Variants in ZC3H13 observed in about 807,000 individuals in gnomAD.
The protein encoded by ZC3H13 is zinc finger CCCH domain-containing protein 13.
ZC3H13 carries 64 observed loss-of-function variants against 204.1 expected under a neutral mutation model. The ratio of observed to expected loss-of-function variants is 0.31; its 90% CI spans 0.26 to 0.39. The LOEUF (loss-of-function observed/expected upper bound fraction) is 0.39, where lower values mean the gene tolerates loss of function less well. Ranked by LOEUF, ZC3H13 falls within the 10% of genes least tolerant of loss-of-function variation. The probability of loss-of-function intolerance (pLI) is 1.00; values close to 1 mark genes in which losing one functional copy is unlikely to be tolerated. For synonymous variants in ZC3H13, 667 were observed against 693.7 expected, an observed-to-expected ratio of 0.96 and a Z score of 0.60; for missense variants, 1,833 against 2,082.7, an observed-to-expected ratio of 0.88 and a Z score of 2.33.
At chr13:45,963,465 A>AGG (rs1951837128) in intron 17 of ZC3H13, 4 of 1,008,804 alleles carry the variant, frequency 4.0e-6, no homozygotes, top group Non-Finnish European at 4.7e-6. Context: ...TCTGTCACCT[A>AGG]GGTTGGAGTG....
In ZC3H13 at chr13:45,975,449, GCTCTCT is replaced by G; in HGVS notation, c.2296_2301del (p.Glu775_Arg776del). ...CTTTCTCGTTCCCGTTCTCGCTCTC[GCTCTCT>G]CTCCCGTTCTCGCTCTCTCTCCCTC... On this transcript the variant is annotated inframe_deletion, in exon 12 of 19. Transcript: ENST00000679008. The G allele has an allele frequency of 1.2e-6, 2 of 1,608,996 alleles. No individual in the cohort carries two copies. Among genetic ancestry groups the G allele is most frequent in the Non-Finnish European group, 1.7e-6 (2 of 1,178,252 alleles).
At chr13:46,011,276 T>A in intron 6 of ZC3H13, 139 bp downstream of exon 6, 3 of 546,134 alleles carry the variant, frequency 5.5e-6, no homozygotes, top group Non-Finnish European at 8.6e-6. Flanking sequence ...TGAATATATA[T>A]GGAGTAGTAC....
At chr13:46,035,412 C>T (rs1414777296) in intron 4 of ZC3H13, among the ~76,000 whole-genome samples, 2 of 152,124 alleles carry the variant, frequency 1.3e-5, no homozygotes, top group Admixed American at 1.3e-4. Context: ...ACTCTTAATG[C>T]TATCAAAGAA....
chr13:46,036,030 C>T (rs1184269029), intron 4 of ZC3H13, among the ~76,000 whole-genome samples: 2 of 151,920 alleles, frequency 1.3e-5, no homozygotes, highest in African/African-American at 2.4e-5. Context: ...CAACTGTAAT[C>T]CCAACATTTT....
In ZC3H13 at chr13:45,998,636, G is replaced by A. The variant is rs936289775; in HGVS notation, c.944+4503C>T. 6.6e-5 allele frequency among the ~76,000 whole-genome samples: 10 copies of A among 150,552 alleles called. No individual in the cohort carries two copies. The Middle Eastern group carries it at 0.01, about 154-fold the overall frequency. ...TGCACTCCAGCCTGGGTGACACAGCGAAACTCCGTCTCAAAAAAAAAAATA... is the reference window on the plus strand; with the variant it reads ...TGCACTCCAGCCTGGGTGACACAGCAAAACTCCGTCTCAAAAAAAAAAATA... On this transcript the variant is annotated intron_variant, in intron 8 of 18. Transcript: ENST00000679008.
chr13:46,023,517 A>G (rs1356305747), intron 4 of ZC3H13, among the ~76,000 whole-genome samples: 1 of 152,106 alleles, frequency 6.6e-6, no homozygotes, highest in Non-Finnish European at 1.5e-5. Flanking sequence ...TCAATGAAAC[A>G]TGATACCCCA....
intron 10 of ZC3H13, 115 bp from the exon 11 acceptor site, chr13:45,980,119 T>G (rs1338815196): frequency 1.9e-5 from 18 of 932,098 alleles, no homozygotes; most frequent in Non-Finnish European, 2.2e-5. Context: ...TATTCCAAAG[T>G]GTGGTAATCA....
chr13:45,955,115 G>C lies in ZC3H13; in HGVS notation c.*2012C>G, dbSNP rs906972284. 3.3e-5 allele frequency: 5 copies of C among 152,294 alleles called. No individual in the cohort carries two copies. The highest frequency in any genetic ancestry group is 7.4e-5 in the Non-Finnish European group (5 of 68,006). 9.4% of individuals were successfully genotyped at this position (152,294 alleles called of 1,614,324 possible). On this transcript the variant is annotated 3_prime_UTR_variant, in exon 19 of 19. Transcript: ENST00000679008. ...GACAGACCTGAGCCGTCAGTTATGA[G>C]ATAGATGACCTTTTAATTGTACTAG...
At position 45,960,054 on chromosome 13, in the gene ZC3H13, C is replaced by T. The variant is rs978361958; in HGVS notation, c.4676-408G>A. On this transcript the variant is annotated intron_variant, in intron 17 of 18. Transcript: ENST00000679008. The stretch of plus-strand genomic sequence containing the variant: ...GAAACCTCCACCTCCTGGATTCAAG[C>T]GATTCTCCTGCCTCAGCTTCCCGAG... Among the ~76,000 whole-genome samples the T allele has an allele frequency of 5.3e-5, 8 of 152,148 alleles. 1 individual carries two copies. Among genetic ancestry groups the T allele is most frequent in the Admixed American group, 2.6e-4 (4 of 15,272 alleles).
At chr13:45,968,404 C>T (rs1248553182) in intron 14 of ZC3H13, among the ~76,000 whole-genome samples, 2 of 152,026 alleles carry the variant, frequency 1.3e-5, no homozygotes, top group East Asian at 3.8e-4. Flanking sequence ...ATCTTATTTT[C>T]TGTGGTCAAA....
chr13:46,045,075 G>A lies in ZC3H13; in HGVS notation c.118-11C>T. ...GTTACGGCACTGTGTCTAAGAGACA[G>A]ATATTACTATGTAAATTTCATATTT... On this transcript the variant is annotated splice_polypyrimidine_tract_variant and intron_variant, in intron 2 of 18. Transcript: ENST00000679008. The A allele has an allele frequency of 6.4e-7, 1 of 1,573,052 alleles. No homozygotes were observed. Among genetic ancestry groups the A allele is most frequent in the Non-Finnish European group, 8.6e-7 (1 of 1,159,242 alleles).
In ZC3H13 at chr13:45,975,473, T is replaced by C. The variant is rs748843819; in HGVS notation, c.2278A>G (p.Arg760Gly). The stretch of plus-strand genomic sequence containing the variant: ...CGCTCTCTCTCCCGTTCTCGCTCTC[T>C]CTCCCTCTCTCTCTCTTCTCTTTCT... ...EREREERERE[R>G]ERERERERER... Residue 760 changes from arginine (R) to glycine (G), a missense_variant, in exon 12 of 19, where the codon AGA (arginine) becomes GGA (glycine). Physicochemically the swap from Arg to Gly is moderately radical, Grantham distance 125. Around this residue, in one of 5 missense-constraint regions of ZC3H13, gnomAD observed 1,574 missense variants for 1,757.2 expected, o/e 0.90. Coordinates refer to ENST00000679008, the MANE Select transcript of ZC3H13 (RefSeq NM_001330564.2). 3 of 1,612,998 alleles carry C rather than the reference T, an allele frequency of 1.9e-6. No individual in the cohort carries two copies. The highest frequency in any genetic ancestry group is 2.7e-5 in the African/African-American group (2 of 74,656).
At chr13:45,958,276 T>C (rs1380155932) in intron 18 of ZC3H13, among the ~76,000 whole-genome samples, 2 of 152,236 alleles carry the variant, frequency 1.3e-5, no homozygotes, top group Non-Finnish European at 2.9e-5. Context: ...AGCAATGTTA[T>C]ATAGTCAAAG....
intron 5 of ZC3H13, among the ~76,000 whole-genome samples, chr13:46,015,309 A>T (rs761786471): frequency 6.6e-6 from 1 of 152,070 alleles, no homozygotes; most frequent in Non-Finnish European, 1.5e-5. Context: ...TGATACATAT[A>T]TATTTTTACT....
In ZC3H13 at chr13:46,045,378, A is replaced by T; in HGVS notation, c.117+13T>A. 6.3e-7 allele frequency: 1 copy of T among 1,599,322 alleles called. No individual in the cohort carries two copies. The highest frequency in any genetic ancestry group is 8.6e-7 in the Non-Finnish European group (1 of 1,166,610). Reference sequence around the variant, plus strand: ...CTAAGAGAACCCCTGTGACTATACTAGTGACAACTCACCTCTGCTGTACTG... The same window carrying T: ...CTAAGAGAACCCCTGTGACTATACTTGTGACAACTCACCTCTGCTGTACTG... On this transcript the variant is annotated intron_variant, in intron 2 of 18. Transcript: ENST00000679008.
rs71184435 is a variant in ZC3H13 at position 46,006,713 on chromosome 13, C to CATATATATAT, written c.747-3387_747-3378dup. On this transcript the variant is annotated intron_variant, in intron 7 of 18. Coordinates refer to ENST00000679008, the MANE Select transcript of ZC3H13 (RefSeq NM_001330564.2). ...TTCTCAAGTCCCAAGAGTTCTTAGC[C>CATATATATAT]ATATATATATATGAGATAGTATCTA... Among the ~76,000 whole-genome samples, 103 of 63,838 alleles carry CATATATATAT rather than the reference C, an allele frequency of 1.6e-3. 26 individuals are homozygous for CATATATATAT. The highest frequency in any genetic ancestry group is 4.8e-3 in the Admixed American group (29 of 5,986). 41.9% of individuals were successfully genotyped at this position (63,838 alleles called of 152,430 possible).
chr13:46,022,717 A>G (rs2042292678), intron 4 of ZC3H13, among the ~76,000 whole-genome samples: 1 of 142,896 alleles, frequency 7.0e-6, no homozygotes, highest in Non-Finnish European at 1.5e-5. Flanking sequence ...AGAGTTCAGA[A>G]TTTTTTTTTT....
chr13:45,968,442 A>G (rs1409553584), intron 14 of ZC3H13, among the ~76,000 whole-genome samples: 1 of 152,166 alleles, frequency 6.6e-6, no homozygotes, highest in Non-Finnish European at 1.5e-5. Context: ...CATGAAGAAT[A>G]GCAGGAAGGT....
Position 45,967,912 on chromosome 13 carries a change from A to G in ZC3H13, c.3913T>C (p.Tyr1305His). Residue 1305 changes from tyrosine to histidine, a missense_variant, in exon 15 of 19, where the codon TAT (tyrosine) becomes CAT (histidine). Coordinates refer to ENST00000679008, the MANE Select transcript of ZC3H13 (RefSeq NM_001330564.2). ...SRDRLQERDRYEHDRERERER... is the reference protein window; with the variant it reads ...SRDRLQERDRHEHDRERERER... ...CTCTCGCGCTCTCTGTCGTGTTCAT[A>G]TCGATCTCGTTCTTGAAGCCTGTCT... 1 of 1,613,912 alleles carries G rather than the reference A, an allele frequency of 6.2e-7. No homozygotes were observed. Among genetic ancestry groups the G allele is most frequent in the Non-Finnish European group, 8.5e-7 (1 of 1,179,940 alleles).
Sources: gnomAD v4.1 joint callset for allele counts (sites outside exome capture counted in the v4.1 genomes callset) on GRCh38, gnomAD v4.1.1 for gene constraint, gnomAD v4.1.1 regional missense constraint, MANE v1.5 for transcripts, NCBI Gene and HGNC (gene_info 2026-07-23, HGNC 2026-07-21) for gene names.